The following FGF18 variants were observed in gnomAD, a reference collection of about 807,000 sequenced individuals.
FGF18 encodes fibroblast growth factor 18.
Under a neutral mutation model 23.0 loss-of-function variants are expected in FGF18, and 5 were observed. The ratio of observed to expected loss-of-function variants is 0.22; its 90% CI spans 0.11 to 0.46. FGF18 has a LOEUF of 0.46. Among genes scored for constraint, FGF18 ranks in the 20% least tolerant of loss-of-function variants. FGF18 has a pLI of 0.99. For missense variants in FGF18, 180 were observed against 291.6 expected (o/e 0.62, Z 2.79); for synonymous variants, 117 against 118.9 (o/e 0.98, Z 0.10).
At chr5:171,439,619 G>A (rs1772310683) in intron 3 of FGF18, among the ~76,000 whole-genome samples, 1 of 152,110 alleles carries the variant, frequency 6.6e-6, no homozygotes, top group African/African-American at 2.4e-5. Flanking sequence ...CTGGGGAAGA[G>A]CCTCCATGTC....
Position 171,456,414 on chromosome 5 carries a change from C to T in FGF18, c.358-125C>T. ...TAAGCTCAATCTCTCTCCCCCACTG[C>T]AAAACTTCATTACAGTTGTCCCTAC... On this transcript the variant is annotated intron_variant, in intron 4 of 4. Coordinates refer to ENST00000274625, the MANE Select transcript of FGF18 (RefSeq NM_003862.3). The surrounding 1 kb of genome is among the most constrained non-coding windows in gnomAD (Gnocchi z 6.1). 1 of 978,338 alleles carries T rather than the reference C, an allele frequency of 1.0e-6. No homozygotes were observed. 60.6% of individuals were successfully genotyped at this position (978,338 alleles called of 1,614,324 possible).
Position 171,420,058 on chromosome 5 carries a change from C to G in FGF18, c.-142C>G. 1 of 590,152 alleles carries G rather than the reference C, an allele frequency of 1.7e-6. No individual in the cohort carries two copies. The highest frequency in any genetic ancestry group is 2.4e-6 in the Non-Finnish European group (1 of 409,070). The allele number at this position is 590,152 out of a possible 1,614,324, so 36.6% of individuals were successfully genotyped here. On this transcript the variant is annotated 5_prime_UTR_variant, in exon 1 of 5. Coordinates refer to ENST00000274625, the MANE Select transcript of FGF18 (RefSeq NM_003862.3). The stretch of plus-strand genomic sequence containing the variant: ...GCGGAGCGCCCCGGAGCAGCAGAGT[C>G]TGCAGCAGCAGCAGCCGGCGAGGAG...
chr5:171,429,662 T>C (rs1458696397), intron 2 of FGF18, among the ~76,000 whole-genome samples: 3 of 152,238 alleles, frequency 2.0e-5, no homozygotes, highest in Non-Finnish European at 4.4e-5. Flanking sequence ...CTGCCCCTCC[T>C]GGGACCAGGG....
chr5:171,443,500 CATTTT>C lies in FGF18; in HGVS notation c.251-5646_251-5642del, dbSNP rs1561889030. On this transcript the variant is annotated intron_variant, in intron 3 of 4. Transcript: ENST00000274625. ...TCAGATAAGTATTCACTGTTATCAT[CATTTT>C]TTTTTTTTTTTTTTTTTTTTTTTTT... Among the ~76,000 whole-genome samples the C allele has an allele frequency of 8.5e-5, 6 of 70,416 alleles. 1 individual carries two copies. Among genetic ancestry groups the C allele is most frequent in the Admixed American group, 6.6e-4 (3 of 4,532 alleles). The allele number at this position is 70,416 out of a possible 152,430, so 46.2% of individuals were successfully genotyped here.
At chr5:171,447,025 T>G (rs1772428504) in intron 3 of FGF18, among the ~76,000 whole-genome samples, 1 of 152,196 alleles carries the variant, frequency 6.6e-6, no homozygotes, top group Non-Finnish European at 1.5e-5. Flanking sequence ...AACAGTTTGG[T>G]TTTTGCAGTT....
At chr5:171,423,564 G>T (rs1322108351) in intron 2 of FGF18, among the ~76,000 whole-genome samples, 4 of 152,046 alleles carry the variant, frequency 2.6e-5, no homozygotes, top group Admixed American at 2.0e-4. Context: ...TTAGCCCCTT[G>T]TCCCTCCTGC....
At chr5:171,441,958 G>C (rs527250376) in intron 3 of FGF18, among the ~76,000 whole-genome samples, 33 of 152,128 alleles carry the variant, frequency 2.2e-4, no homozygotes, top group African/African-American at 7.2e-4. Flanking sequence ...GGCTTGCACT[G>C]TGCAGTGGGG....
Position 171,456,045 on chromosome 5 carries a change from TG to T in FGF18, c.358-493del, listed in dbSNP as rs1561892776. On this transcript the variant is annotated intron_variant, in intron 4 of 4. Coordinates refer to ENST00000274625, the MANE Select transcript of FGF18 (RefSeq NM_003862.3). The surrounding 1 kb of genome is among the most constrained non-coding windows in gnomAD (Gnocchi z 6.1). ...TCCTGCCCATGCCCCTTGTACCTGC[TG>T]TCTCCTCTCTCTCCTCCTAACAAAG... 6.6e-6 allele frequency among the ~76,000 whole-genome samples: 1 copy of T among 152,190 alleles called. No individual in the cohort carries two copies. The highest frequency in any genetic ancestry group is 1.5e-5 in the Non-Finnish European group (1 of 68,040).
Position 171,449,398 on chromosome 5 carries a change from TGTGA to T in FGF18, c.357+147_357+150del, listed in dbSNP as rs1248780712. ...GTGTGTGTGTGTGTGTGTGTGTGTGTGTGAGAGAGAGAGAGAGAGAGAGAGACAG... is the reference window on the plus strand; with the variant it reads ...GTGTGTGTGTGTGTGTGTGTGTGTGTGAGAGAGAGAGAGAGAGAGAGACAG... On this transcript the variant is annotated intron_variant, in intron 4 of 4. Coordinates refer to ENST00000274625, the MANE Select transcript of FGF18 (RefSeq NM_003862.3). The T allele has an allele frequency of 2.6e-4, 131 of 512,260 alleles. 1 individual carries two copies. The highest frequency in any genetic ancestry group is 9.9e-4 in the Admixed American group (37 of 37,516). The allele number at this position is 512,260 out of a possible 1,614,324, so 31.7% of individuals were successfully genotyped here. A position where few individuals can be genotyped will look rare whatever the true frequency, so the allele number is the denominator to read the frequency against.
At position 171,451,458 on chromosome 5, in the gene FGF18, C is replaced by T. The variant is rs926828304; in HGVS notation, c.357+2205C>T. 2.0e-5 allele frequency among the ~76,000 whole-genome samples: 3 copies of T among 152,212 alleles called. No individual in the cohort carries two copies. The highest frequency in any genetic ancestry group is 4.4e-5 in the Non-Finnish European group (3 of 68,024). On this transcript the variant is annotated intron_variant, in intron 4 of 4. Coordinates refer to ENST00000274625, the MANE Select transcript of FGF18 (RefSeq NM_003862.3). The surrounding 1 kb of genome is among the most constrained non-coding windows in gnomAD (Gnocchi z 4.5). ...TCCCTGCCCAGTCGTACCTTAGGCC[C>T]TGGGTGTCCCCTCCTGCCCTAACCC...
rs1581273165 is a variant in FGF18, at chr5:171,434,339, C to CCT, written c.70-1754_70-1753insCT. On this transcript the variant is annotated intron_variant, in intron 2 of 4. Coordinates refer to ENST00000274625, the MANE Select transcript of FGF18 (RefSeq NM_003862.3). This position sits in a 1 kb window ranked among gnomAD's most constrained non-coding sequence, Gnocchi z 4.6. Reference sequence around the variant, plus strand: ...GGTCCTGCTGACATACCTGTGGGCCCAGTCCAGGATCGGGAGATACATGCA... The same window carrying CCT: ...GGTCCTGCTGACATACCTGTGGGCCCCTAGTCCAGGATCGGGAGATACATGCA... Among the ~76,000 whole-genome samples, 1 of 152,204 alleles carries CCT rather than the reference C, an allele frequency of 6.6e-6. No individual in the cohort carries two copies. Among genetic ancestry groups the CCT allele is most frequent in the East Asian group, 1.9e-4 (1 of 5,200 alleles).
chr5:171,421,224 G>A (rs1772001666), intron 2 of FGF18, among the ~76,000 whole-genome samples: 1 of 152,266 alleles, frequency 6.6e-6, no homozygotes, highest in South Asian at 2.1e-4. Flanking sequence ...TTCCAAAGCC[G>A]TAGAAATGAA....
At position 171,449,135 on chromosome 5, in the gene FGF18, T is replaced by G. The variant is rs747809232; in HGVS notation, c.251-12T>G. On this transcript the variant is annotated splice_polypyrimidine_tract_variant and intron_variant, in intron 3 of 4. Coordinates refer to ENST00000274625, the MANE Select transcript of FGF18 (RefSeq NM_003862.3). ...AATAAAATGTGTCTTGTTCTCCTTC[T>G]GCCTTTCGAAGCCCAGCTCCTAGTG... 1.3e-6 allele frequency: 2 copies of G among 1,598,144 alleles called. No individual in the cohort carries two copies. The highest frequency in any genetic ancestry group is 1.7e-6 in the Non-Finnish European group (2 of 1,165,434).
At chr5:171,430,247 A>G (rs1394764283) in intron 2 of FGF18, among the ~76,000 whole-genome samples, 1 of 148,558 alleles carries the variant, frequency 6.7e-6, no homozygotes, top group Non-Finnish European at 1.5e-5. Flanking sequence ...AATCCCAGCT[A>G]CTCCAGAGGC....
intron 2 of FGF18, among the ~76,000 whole-genome samples, chr5:171,420,939 A>C (rs1435307754): frequency 3.9e-5 from 6 of 152,166 alleles, no homozygotes; most frequent in African/African-American, 1.4e-4. Flanking sequence ...ACAGACACAC[A>C]CACATGCCCG....
chr5:171,428,530 CGT>C (rs924749794), intron 2 of FGF18, among the ~76,000 whole-genome samples: 1 of 152,186 alleles, frequency 6.6e-6, no homozygotes, highest in African/African-American at 2.4e-5. Flanking sequence ...TGAGCCTCTG[CGT>C]GCGTGCATGT....
intron 4 of FGF18, among the ~76,000 whole-genome samples, chr5:171,453,814 G>A (rs1200846070): frequency 8.5e-5 from 13 of 152,066 alleles, no homozygotes. Flanking sequence ...GTGTGTCTCA[G>A]GAGGGACCTC....
At chr5:171,447,693 C>G (rs1772438864) in intron 3 of FGF18, among the ~76,000 whole-genome samples, 1 of 152,152 alleles carries the variant, frequency 6.6e-6, no homozygotes, top group East Asian at 1.9e-4. Flanking sequence ...CACAGCAGGG[C>G]ACCAGGGTCT....
chr5:171,447,288 C>T (rs1448688027), intron 3 of FGF18, among the ~76,000 whole-genome samples: 1 of 152,150 alleles, frequency 6.6e-6, no homozygotes, highest in Non-Finnish European at 1.5e-5. Flanking sequence ...CCCCATAACT[C>T]CTCACCCCCT....
Sources: allele counts gnomAD v4.1 joint callset (sites outside exome capture counted in the v4.1 genomes callset), GRCh38; gene constraint gnomAD v4.1.1; non-coding constraint Gnocchi (gnomAD v3.1); transcripts MANE v1.5; gene names NCBI Gene and HGNC (gene_info 2026-07-23, HGNC 2026-07-21).